Variants in SNX30 observed in about 807,000 individuals in gnomAD.
SNX30 encodes the protein sorting nexin family member 30, also known as sorting nexin-30.
Under a neutral mutation model 46.4 loss-of-function variants are expected in SNX30, and 24 were observed. That is an observed-to-expected ratio of 0.52 (90% CI 0.37 to 0.73). The LOEUF (loss-of-function observed/expected upper bound fraction) is 0.73. SNX30 is among the 30% of genes least tolerant of loss of function. SNX30 has a pLI of 0.00. For synonymous variants in SNX30, 189 were observed against 211.5 expected, an observed-to-expected ratio of 0.89 and a Z score of 0.92; for missense variants, 533 against 555.7, an observed-to-expected ratio of 0.96 and a Z score of 0.41.
Position 112,838,612 on chromosome 9 carries a change from C to T in SNX30, c.929C>T (p.Thr310Ile). 1 of 1,614,222 alleles carries T rather than the reference C, an allele frequency of 6.2e-7. No homozygotes were observed. Among genetic ancestry groups the T allele is most frequent in the Non-Finnish European group, 8.5e-7 (1 of 1,180,026 alleles). ...TCAGCTTGCATTGGGAACTGCTCTA[C>T]AGCCTTAGAAGAGCTGACAGATGAC... ...GVSACIGNCSTALEELTDDMT... is the reference protein window; with the variant it reads ...GVSACIGNCSIALEELTDDMT... Residue 310 changes from threonine to isoleucine, a missense_variant, in exon 6 of 9, where the codon ACA becomes ATA. Transcript: ENST00000374232.
chr9:112,809,440 A>G (rs1435258569), intron 2 of SNX30, among the ~76,000 whole-genome samples: 2 of 152,152 alleles, frequency 1.3e-5, no homozygotes, highest in Non-Finnish European at 2.9e-5. Context: ...GTCCAGTAGC[A>G]TGGCCTGTGT....
At chr9:112,877,421 T>G (rs1044180564), downstream of SNX30, 1 of 151,752 alleles carries the variant, frequency 6.6e-6, no homozygotes, top group African/African-American at 2.4e-5. Flanking sequence ...AGGTAAGGAG[T>G]TGGGGAATGA....
intron 4 of SNX30, among the ~76,000 whole-genome samples, chr9:112,833,261 C>T (rs1282685878): frequency 2.0e-5 from 3 of 151,824 alleles, no homozygotes; most frequent in East Asian, 1.9e-4. Flanking sequence ...TGATCTTGTT[C>T]TGAGATGAGC....
At position 112,872,538 on chromosome 9, in the gene SNX30, G is replaced by A. The variant is rs932305588; in HGVS notation, c.*3695G>A. 2.0e-5 allele frequency: 3 copies of A among 152,482 alleles called. No individual in the cohort carries two copies. Among genetic ancestry groups the A allele is most frequent in the African/African-American group, 7.2e-5 (3 of 41,424 alleles). The allele number at this position is 152,482 out of a possible 1,614,324, so 9.4% of individuals were successfully genotyped here. ...TGGGTCTTGGGGTGGGTTAGAACTGGGTTCCAGTCTGGCCAGATGGGTTGC... is the reference window on the plus strand; with the variant it reads ...TGGGTCTTGGGGTGGGTTAGAACTGAGTTCCAGTCTGGCCAGATGGGTTGC... On this transcript the variant is annotated 3_prime_UTR_variant, in exon 9 of 9. Transcript: ENST00000374232.
intron 1 of SNX30, among the ~76,000 whole-genome samples, chr9:112,782,836 C>A (rs2131377460): frequency 6.6e-6 from 1 of 152,366 alleles, no homozygotes; most frequent in East Asian, 1.9e-4. Context: ...TGTGCCCCTG[C>A]ACAATGCTGT....
At chr9:112,837,826 C>T (rs1158171364) in intron 5 of SNX30, among the ~76,000 whole-genome samples, 2 of 151,126 alleles carry the variant, frequency 1.3e-5, no homozygotes, top group African/African-American at 4.9e-5. Context: ...CTATATGAAA[C>T]TCTGCCTCCA....
At chr9:112,823,599 A>G (rs1840538321) in intron 3 of SNX30, among the ~76,000 whole-genome samples, 1 of 152,232 alleles carries the variant, frequency 6.6e-6, no homozygotes, top group African/African-American at 2.4e-5. Context: ...TGGAAATTTA[A>G]TGTTTACCTC....
At chr9:112,797,269 C>A (rs1413233430) in intron 1 of SNX30, among the ~76,000 whole-genome samples, 1 of 152,210 alleles carries the variant, frequency 6.6e-6, no homozygotes, top group Non-Finnish European at 1.5e-5. Context: ...AAAAATCTAT[C>A]TTTCCCTTCC....
downstream of SNX30, among the ~76,000 whole-genome samples, chr9:112,883,332 G>A (rs543507087): frequency 1.3e-5 from 2 of 152,234 alleles, no homozygotes; most frequent in South Asian, 2.1e-4. Context: ...AGGAGAGGCC[G>A]CACCCAGATA....
intron 1 of SNX30, among the ~76,000 whole-genome samples, chr9:112,790,548 TAC>T (rs1253941062): frequency 1.3e-5 from 2 of 152,332 alleles, no homozygotes; most frequent in East Asian, 3.9e-4. Flanking sequence ...TGATCCGATG[TAC>T]ATTCATGTAC....
chr9:112,826,563 A>G (rs1840582038), intron 3 of SNX30, among the ~76,000 whole-genome samples: 2 of 152,190 alleles, frequency 1.3e-5, no homozygotes, highest in African/African-American at 2.4e-5. Context: ...GTGCACCCCA[A>G]TGAACAAATG....
chr9:112,758,430 A>G (rs572541781), intron 1 of SNX30, among the ~76,000 whole-genome samples: 8 of 152,276 alleles, frequency 5.3e-5, no homozygotes, highest in East Asian at 1.9e-4. Context: ...CCTGGGCTCA[A>G]GAGATTCTCC....
intron 1 of SNX30, among the ~76,000 whole-genome samples, chr9:112,765,587 T>C (rs1839522803): frequency 6.6e-6 from 1 of 152,240 alleles, no homozygotes; most frequent in African/African-American, 2.4e-5. Context: ...GTTAATCTAG[T>C]GTCTGAAAGC....
At chr9:112,843,914 G>T (rs1840898673) in intron 6 of SNX30, among the ~76,000 whole-genome samples, 2 of 152,196 alleles carry the variant, frequency 1.3e-5, no homozygotes, top group Admixed American at 1.3e-4. Context: ...AGGCTGGTAA[G>T]AGTCTGGACT....
intron 6 of SNX30, among the ~76,000 whole-genome samples, chr9:112,844,037 G>C (rs149651891): frequency 6.6e-6 from 1 of 152,310 alleles, no homozygotes; most frequent in East Asian, 1.9e-4. Flanking sequence ...AGATTGTAGA[G>C]GATGAGAGTG....
At chr9:112,814,015 A>G (rs1840359702) in intron 2 of SNX30, among the ~76,000 whole-genome samples, 1 of 152,342 alleles carries the variant, frequency 6.6e-6, no homozygotes, top group African/African-American at 2.4e-5. Context: ...AGACATAACT[A>G]GAAAAGAAAA....
chr9:112,819,266 C>CTTTTTTTT (rs35138610), intron 3 of SNX30, among the ~76,000 whole-genome samples: 17 of 116,980 alleles, frequency 1.5e-4, no homozygotes, highest in African/African-American at 2.3e-4. Context: ...TTCTTTCTTT[C>CTTTTTTTT]TTTTTTTTTT....
Position 112,805,337 on chromosome 9 carries a change from T to G in SNX30, c.348+370T>G, listed in dbSNP as rs541034720. Among the ~76,000 whole-genome samples the G allele has an allele frequency of 4.1e-4, 62 of 152,254 alleles. 1 individual carries two copies. The South Asian group carries it at 0.013, about 32-fold the overall frequency. ...ATGAGACCATGAATAAAATTTGGCC[T>G]AGGTGGGGTTGATGGTAGCAGGAGG... On this transcript the variant is annotated intron_variant, in intron 2 of 8. Transcript: ENST00000374232.
At chr9:112,882,574 C>CTCAG (rs1841593955), downstream of SNX30, among the ~76,000 whole-genome samples, 1 of 152,064 alleles carries the variant, frequency 6.6e-6, no homozygotes, top group Admixed American at 6.5e-5. Flanking sequence ...CAGAGGCTAA[C>CTCAG]TCAGTCATCC....
Sources: gnomAD v4.1 joint callset for allele counts (sites outside exome capture counted in the v4.1 genomes callset) on GRCh38, gnomAD v4.1.1 for gene constraint, MANE v1.5 for transcripts, NCBI Gene and HGNC (gene_info 2026-07-23, HGNC 2026-07-21) for gene names.